Variants in NCKAP1L observed in about 807,000 individuals in gnomAD.
NCKAP1L encodes nck-associated protein 1-like.
A neutral mutation model predicts 139.2 loss-of-function variants in NCKAP1L; 53 were observed. The observed-to-expected ratio is 0.38, with a 90% CI of 0.31 to 0.48. The LOEUF (loss-of-function observed/expected upper bound fraction) is 0.48, where lower values mean the gene tolerates loss of function less well. Ranked by LOEUF, NCKAP1L falls within the 20% of genes least tolerant of loss-of-function variation. The pLI is 0.98. For missense variants in NCKAP1L, 1,151 were observed against 1,381.9 expected (o/e 0.83, Z 2.65); for synonymous variants, 468 against 499.7 (o/e 0.94, Z 0.85).
chr12:54,531,862 G>A (rs369763309), intron 25 of NCKAP1L, 37 bp downstream of exon 25: 2 of 1,483,946 alleles, frequency 1.3e-6, no homozygotes, highest in African/African-American at 2.8e-5. Context: ...CAGAGTCACA[G>A]ATACCTCTGT....
At position 54,537,851 on chromosome 12, in the gene NCKAP1L, C is replaced by T. The variant is rs774042843; in HGVS notation, c.3183+798C>T. Among the ~76,000 whole-genome samples, 8 of 152,056 alleles carry T rather than the reference C, an allele frequency of 5.3e-5. No homozygotes were observed. The East Asian group carries it at 7.7e-4, about 15-fold the overall frequency. The stretch of plus-strand genomic sequence containing the variant: ...AGCGGATTCCACTGTAGGTCATATC[C>T]AATTTCTTAAAAAAAATGTTAAAAA... On this transcript the variant is annotated intron_variant, in intron 29 of 30. Transcript: ENST00000293373.
chr12:54,506,792 A>ATATAT (rs1555170876), intron 3 of NCKAP1L, among the ~76,000 whole-genome samples: 42 of 23,154 alleles, frequency 1.8e-3, no homozygotes, highest in African/African-American at 0.012. Flanking sequence ...TATTAAAAAA[A>ATATAT]AAAAATATAT....
Position 54,536,983 on chromosome 12 carries a change from T to A in NCKAP1L, c.3113T>A (p.Ile1038Asn), listed in dbSNP as rs1369489393. ...NNIHCLTKAI[I>N]QVSAALFTLY... ...ATTCATTGCTTGACCAAAGCCATCATCCAGGTGTCTGCTGCCCTCTTCACG... is the reference window on the plus strand; with the variant it reads ...ATTCATTGCTTGACCAAAGCCATCAACCAGGTGTCTGCTGCCCTCTTCACG... The change falls in exon 29 of 31, where the codon ATC (isoleucine) becomes AAC (asparagine). Residue 1038 changes from isoleucine (I) to asparagine (N), a missense_variant. By Grantham distance (149) the Ile-to-Asn change is moderately radical (BLOSUM62 -3). Coordinates refer to ENST00000293373, the MANE Select transcript of NCKAP1L (RefSeq NM_005337.5). 6.2e-7 allele frequency: 1 copy of A among 1,613,610 alleles called. No homozygotes were observed. Among genetic ancestry groups the A allele is most frequent in the Admixed American group, 1.7e-5 (1 of 60,018 alleles).
intron 26 of NCKAP1L, among the ~76,000 whole-genome samples, chr12:54,533,142 C>T (rs552510239): frequency 6.6e-6 from 1 of 152,300 alleles, no homozygotes; most frequent in Admixed American, 6.5e-5. Flanking sequence ...AGGATAGCTG[C>T]CCCTCTTGAA....
At chr12:54,542,356 T>C (rs1957164484) in intron 30 of NCKAP1L, among the ~76,000 whole-genome samples, 1 of 152,138 alleles carries the variant, frequency 6.6e-6, no homozygotes, top group Admixed American at 6.6e-5. Context: ...CTTCACATAG[T>C]CCTGATGAGG....
chr12:54,531,137 T>C, intron 22 of NCKAP1L, 123 bp from the exon 23 acceptor site: 1 of 828,626 alleles, frequency 1.2e-6, no homozygotes, highest in Non-Finnish European at 1.9e-6. Context: ...TTTTTGCTCC[T>C]TGACTTCTCA....
chr12:54,512,244 CCTA>C, intron 9 of NCKAP1L, 139 bp downstream of exon 9: 1 of 869,158 alleles, frequency 1.2e-6, no homozygotes, highest in East Asian at 2.7e-5. Context: ...ACATTAAATA[CCTA>C]CTATTAGCTA....
intron 1 of NCKAP1L, among the ~76,000 whole-genome samples, chr12:54,498,497 A>G (rs1383606076): frequency 6.6e-6 from 1 of 151,528 alleles, no homozygotes; most frequent in Non-Finnish European, 1.5e-5. Context: ...GGGCTGGGCA[A>G]ACCATAGGAA....
At chr12:54,507,814 T>C (rs373720117) in intron 3 of NCKAP1L, 39 bp from the exon 4 acceptor site, 104 of 1,597,380 alleles carry the variant, frequency 6.5e-5, no homozygotes, top group Admixed American at 1.7e-4. Flanking sequence ...ACCTTCTCTT[T>C]GATTTTTTAT....
At chr12:54,501,137 G>A (rs73310340) in intron 3 of NCKAP1L, among the ~76,000 whole-genome samples, 10 of 152,090 alleles carry the variant, frequency 6.6e-5, no homozygotes, top group African/African-American at 2.4e-4. Context: ...CCAGCCCCTT[G>A]CCATCACAAT....
At chr12:54,520,857 C>A in intron 17 of NCKAP1L, 31 bp downstream of exon 17, 1 of 1,613,712 alleles carries the variant, frequency 6.2e-7, no homozygotes, top group Non-Finnish European at 8.5e-7. Flanking sequence ...ACCCTGTCAT[C>A]TTTCTAGTCA....
Position 54,525,266 on chromosome 12 carries a change from G to A in NCKAP1L, c.2157-1262G>A, listed in dbSNP as rs554056382. Reference sequence around the variant, plus strand: ...TATTTTACTCTGGCTACATTAGCGGGGGCAAGGACAGAAGCAGGGAAACCA... The same window carrying A: ...TATTTTACTCTGGCTACATTAGCGGAGGCAAGGACAGAAGCAGGGAAACCA... On this transcript the variant is annotated intron_variant, in intron 20 of 30. Transcript: ENST00000293373. Among the ~76,000 whole-genome samples, 6 of 152,324 alleles carry A rather than the reference G, an allele frequency of 3.9e-5. No individual in the cohort carries two copies. The South Asian group carries it at 8.3e-4, about 21-fold the overall frequency.
chr12:54,534,984 A>T, intron 26 of NCKAP1L, 120 bp from the exon 27 acceptor site: 1 of 660,716 alleles, frequency 1.5e-6, no homozygotes, highest in African/African-American at 1.9e-5. Context: ...CTACATATAT[A>T]TAAAAGCATC....
rs1267832609 is a variant in NCKAP1L at position 54,518,659 on chromosome 12, TG to T, written c.1348del (p.Val450CysfsTer20). On this transcript the variant is annotated frameshift_variant, in exon 14 of 31. Transcript: ENST00000293373. LOFTEE classifies it high-confidence loss of function. ...VLSDIIQNLSVCPEEESIIMS... is the reference protein window; with the variant it reads ...VLSDIIQNLSXCPEEESIIMS... The stretch of plus-strand genomic sequence containing the variant: ...TGCAGCTCCTTTTTTAGAACTTGTC[TG>T]TGTGTCCAGAGGAGGAGTCCATCAT... 6.2e-7 allele frequency: 1 copy of T among 1,614,062 alleles called. No individual in the cohort carries two copies. Among genetic ancestry groups the T allele is most frequent in the Non-Finnish European group, 8.5e-7 (1 of 1,179,896 alleles).
At chr12:54,499,264 A>C in intron 1 of NCKAP1L, 91 bp from the exon 2 acceptor site, 1 of 812,292 alleles carries the variant, frequency 1.2e-6, no homozygotes, top group Non-Finnish European at 2.1e-6. Flanking sequence ...GCCTTTTCCT[A>C]AGACAGATTA....
chr12:54,517,122 T>A, intron 11 of NCKAP1L, 130 bp downstream of exon 11: 1 of 730,446 alleles, frequency 1.4e-6, no homozygotes, highest in Non-Finnish European at 2.3e-6. Context: ...GCGATTCCCT[T>A]GAACATTCTT....
rs769178061 is a variant in NCKAP1L, at chr12:54,536,955, A to C, written c.3085A>C (p.Asn1029His). ...CAATAATAACCTAGGTTACAACAAC[A>C]ATATTCATTGCTTGACCAAAGCCAT... ...YSIEKDGYNNNIHCLTKAIIQ... is the reference protein window; with the variant it reads ...YSIEKDGYNNHIHCLTKAIIQ... Residue 1029 changes from asparagine to histidine, a missense_variant, in exon 29 of 31, where the codon AAT (asparagine) becomes CAT (histidine). Coordinates refer to ENST00000293373, the MANE Select transcript of NCKAP1L (RefSeq NM_005337.5). 2 of 1,611,062 alleles carry C rather than the reference A, an allele frequency of 1.2e-6. No individual in the cohort carries two copies. The highest frequency in any genetic ancestry group is 1.7e-6 in the Non-Finnish European group (2 of 1,177,664).
chr12:54,542,474 T>C lies in NCKAP1L; in HGVS notation c.3274-101T>C. 2.4e-6 allele frequency: 2 copies of C among 848,356 alleles called. 1 individual carries two copies. Among genetic ancestry groups the C allele is most frequent in the East Asian group, 4.9e-5 (2 of 41,008 alleles). The allele number at this position is 848,356 out of a possible 1,614,324, so 52.6% of individuals were successfully genotyped here. A position where few individuals can be genotyped will look rare whatever the true frequency, so the allele number is the denominator to read the frequency against. Reference sequence around the variant, plus strand: ...ATTTGGAACCCTGTTCACTTGTAACTCTCAGGGCCTCAGAGGGCCTGGGAA... The same window carrying C: ...ATTTGGAACCCTGTTCACTTGTAACCCTCAGGGCCTCAGAGGGCCTGGGAA... On this transcript the variant is annotated intron_variant, in intron 30 of 30. Coordinates refer to ENST00000293373, the MANE Select transcript of NCKAP1L (RefSeq NM_005337.5).
chr12:54,510,081 A>G, intron 7 of NCKAP1L, 96 bp downstream of exon 7: 1 of 1,441,028 alleles, frequency 6.9e-7, no homozygotes, highest in Non-Finnish European at 9.4e-7. Flanking sequence ...TCAGTACTAA[A>G]GAATGCTTTA....
Sources: allele counts gnomAD v4.1 joint callset (sites outside exome capture counted in the v4.1 genomes callset), GRCh38; gene constraint gnomAD v4.1.1; transcripts MANE v1.5; gene names NCBI Gene and HGNC (gene_info 2026-07-23, HGNC 2026-07-21).